The following SULT1B1 variants were observed in gnomAD, a reference collection of about 807,000 sequenced individuals.
SULT1B1 encodes the protein sulfotransferase family 1B member 1.
SULT1B1 carries 28 observed loss-of-function variants against 34.6 expected under a neutral mutation model. The observed-to-expected ratio is 0.81, with a 90% confidence interval of 0.60 to 1.11. The LOEUF is 1.11. Among genes scored for constraint, SULT1B1 ranks in the 50% least tolerant of loss-of-function variants. The pLI is 0.00. For synonymous variants in SULT1B1, 147 were observed against 110.2 expected (o/e 1.33, Z -2.09); for missense variants, 374 against 352.2 (o/e 1.06, Z -0.50).
chr4:69,741,058 T>A (rs1718531359), intron 4 of SULT1B1, among the ~76,000 whole-genome samples: 1 of 152,222 alleles, frequency 6.6e-6, no homozygotes, highest in Admixed American at 6.5e-5. Flanking sequence ...TCAGTTAATT[T>A]TTTGTATATG....
intron 4 of SULT1B1, among the ~76,000 whole-genome samples, chr4:69,737,720 ATAT>A (rs1718373639): frequency 6.6e-6 from 1 of 152,188 alleles, no homozygotes; most frequent in African/African-American, 2.4e-5. Context: ...ATATTCAAAA[ATAT>A]TATAAATAAA....
At position 69,760,543 on chromosome 4, in the gene SULT1B1, G is replaced by A. The variant is rs990566868; in HGVS notation, c.-129C>T. ...AACCATGGGAAACGGTGGTGGTTCTGGCAGGCAATGGGGAGCACAGGAAGG... is the reference window on the plus strand; with the variant it reads ...AACCATGGGAAACGGTGGTGGTTCTAGCAGGCAATGGGGAGCACAGGAAGG... On this transcript the variant is annotated 5_prime_UTR_variant, in exon 1 of 8. Coordinates refer to ENST00000310613, the MANE Select transcript of SULT1B1 (RefSeq NM_014465.4). 5 of 152,052 alleles carry A rather than the reference G, an allele frequency of 3.3e-5. No homozygotes were observed. The highest frequency in any genetic ancestry group is 3.3e-4 in the Admixed American group (5 of 15,262). The allele number at this position is 152,052 out of a possible 1,614,324, so 9.4% of individuals were successfully genotyped here. A position where few individuals can be genotyped will look rare whatever the true frequency, so the allele number is the denominator to read the frequency against.
chr4:69,750,164 A>G (rs190935467), intron 3 of SULT1B1, among the ~76,000 whole-genome samples: 1 of 152,152 alleles, frequency 6.6e-6, no homozygotes, highest in Non-Finnish European at 1.5e-5. Context: ...ATACCTGTGC[A>G]TTGCTATAAA....
At chr4:69,743,449 A>G (rs1366340497) in intron 4 of SULT1B1, among the ~76,000 whole-genome samples, 1 of 152,122 alleles carries the variant, frequency 6.6e-6, no homozygotes, top group African/African-American at 2.4e-5. Flanking sequence ...GTGGGCCCAG[A>G]AAAAGCACCA....
intron 4 of SULT1B1, among the ~76,000 whole-genome samples, chr4:69,745,843 G>T (rs1718727702): frequency 6.6e-6 from 1 of 152,116 alleles, no homozygotes; most frequent in Non-Finnish European, 1.5e-5. Context: ...GTGGTAGTTG[G>T]TATGTCTTTT....
In SULT1B1 at chr4:69,725,325, C is replaced by T. The variant is rs1717793241; in HGVS notation, c.*1763G>A. Reference sequence around the variant, plus strand: ...GCAAATCAAAACCACAATGAGATACCATCTCACACCAGTTAGAATGGCAAT... The same window carrying T: ...GCAAATCAAAACCACAATGAGATACTATCTCACACCAGTTAGAATGGCAAT... On this transcript the variant is annotated 3_prime_UTR_variant, in exon 8 of 8. Transcript: ENST00000310613. The T allele has an allele frequency of 6.6e-6, 1 of 152,132 alleles. No individual in the cohort carries two copies. 9.4% of individuals were successfully genotyped at this position (152,132 alleles called of 1,614,324 possible). A position where few individuals can be genotyped will look rare whatever the true frequency, so the allele number is the denominator to read the frequency against.
In SULT1B1 at chr4:69,751,710, C is replaced by A. The variant is rs1014990030; in HGVS notation, c.278-1892G>T. On this transcript the variant is annotated intron_variant, in intron 3 of 7. Transcript: ENST00000310613. Reference sequence around the variant, plus strand: ...CTCGTGATCCACCCGCCTCGACCTCCCAAAGTGCTGGGATTACAGGCGTGA... The same window carrying A: ...CTCGTGATCCACCCGCCTCGACCTCACAAAGTGCTGGGATTACAGGCGTGA... Among the ~76,000 whole-genome samples, 29 of 152,318 alleles carry A rather than the reference C, an allele frequency of 1.9e-4. 1 individual carries two copies. Among genetic ancestry groups the A allele is most frequent in the African/African-American group, 6.5e-4 (27 of 41,580 alleles).
intron 6 of SULT1B1, among the ~76,000 whole-genome samples, chr4:69,731,894 A>G (rs1718094395): frequency 6.6e-6 from 1 of 152,212 alleles, no homozygotes; most frequent in African/African-American, 2.4e-5. Flanking sequence ...TTGATTTGGA[A>G]TTTGAATAAC....
chr4:69,755,390 A>G (rs971754253), intron 1 of SULT1B1, 129 bp from the exon 2 acceptor site: 2 of 639,814 alleles, frequency 3.1e-6, no homozygotes, highest in Non-Finnish European at 5.2e-6. Context: ...TACAAAGGGC[A>G]TATTTTGTGG....
chr4:69,759,817 CTTCCTATTTAAGAT>C (rs1719327040), intron 1 of SULT1B1, among the ~76,000 whole-genome samples: 1 of 152,142 alleles, frequency 6.6e-6, no homozygotes, highest in South Asian at 2.1e-4. Context: ...GATCTCAAGA[CTTCCTATTTAAGAT>C]GAGCCATAGG....
At chr4:69,736,138 C>T (rs1415144362) in intron 4 of SULT1B1, among the ~76,000 whole-genome samples, 5 of 152,158 alleles carry the variant, frequency 3.3e-5, no homozygotes, top group African/African-American at 1.2e-4. Flanking sequence ...AGCTGACAGC[C>T]TTCCATGAAG....
At position 69,730,617 on chromosome 4, in the gene SULT1B1, A is replaced by G; in HGVS notation, c.662T>C (p.Leu221Ser). ...FLEKNLNDEI[L>S]DRIIHHTSFE... ...TGAGGTGTGATGGATGATCCTATCCAAGATCTCATCATTCAGGTTCTTCTC... is the reference window on the plus strand; with the variant it reads ...TGAGGTGTGATGGATGATCCTATCCGAGATCTCATCATTCAGGTTCTTCTC... The change falls in exon 7 of 8, where the codon TTG becomes TCG. Residue 221 changes from leucine (L) to serine (S), a missense_variant. Leu to Ser is a moderately radical substitution (Grantham distance 145). Coordinates refer to ENST00000310613, the MANE Select transcript of SULT1B1 (RefSeq NM_014465.4). 1 of 1,613,346 alleles carries G rather than the reference A, an allele frequency of 6.2e-7. No individual in the cohort carries two copies. The highest frequency in any genetic ancestry group is 8.5e-7 in the Non-Finnish European group (1 of 1,179,716).
intron 1 of SULT1B1, 109 bp downstream of exon 1, chr4:69,760,350 G>T (rs1719343809): frequency 3.6e-6 from 1 of 278,624 alleles, no homozygotes; most frequent in Non-Finnish European, 5.4e-6. Flanking sequence ...TTATGCAAAA[G>T]ACTTTCTAAT....
intron 4 of SULT1B1, among the ~76,000 whole-genome samples, chr4:69,743,685 G>T (rs1327512330): frequency 6.6e-6 from 1 of 152,198 alleles, no homozygotes; most frequent in East Asian, 1.9e-4. Context: ...TGTTCTGGGT[G>T]CCCAAAGTCC....
In SULT1B1 at chr4:69,722,721, G is replaced by T. The variant is rs913850709; in HGVS notation, c.*4367C>A. 5 of 152,100 alleles carry T rather than the reference G, an allele frequency of 3.3e-5. No homozygotes were observed. The highest frequency in any genetic ancestry group is 3.3e-4 in the Admixed American group (5 of 15,232). The allele number at this position is 152,100 out of a possible 1,614,324, so 9.4% of individuals were successfully genotyped here. A position where few individuals can be genotyped will look rare whatever the true frequency, so the allele number is the denominator to read the frequency against. On this transcript the variant is annotated 3_prime_UTR_variant, in exon 8 of 8. Coordinates refer to ENST00000310613, the MANE Select transcript of SULT1B1 (RefSeq NM_014465.4). ...GGGGTTGGAAAAGAGAAATGTTACA[G>T]CTTAAGGAGCTATTTTAGCTATTCC... is the stretch of plus-strand genomic sequence containing the variant.
In SULT1B1 at chr4:69,722,098, A is replaced by T. The variant is rs1197378339; in HGVS notation, c.*4990T>A. On this transcript the variant is annotated 3_prime_UTR_variant, in exon 8 of 8. Transcript: ENST00000310613. ...ATTAGGATAGTGACATTTGCATCAT[A>T]GAATAAATATATAAGAGGCAACAAC... is the stretch of plus-strand genomic sequence containing the variant. 2 of 152,156 alleles carry T rather than the reference A, an allele frequency of 1.3e-5. No individual in the cohort carries two copies. The highest frequency in any genetic ancestry group is 4.8e-5 in the African/African-American group (2 of 41,468). 9.4% of individuals were successfully genotyped at this position (152,156 alleles called of 1,614,324 possible).
intron 4 of SULT1B1, among the ~76,000 whole-genome samples, chr4:69,744,132 C>T (rs1372883923): frequency 6.6e-6 from 1 of 152,152 alleles, no homozygotes; most frequent in Non-Finnish European, 1.5e-5. Context: ...CCCCTCTATG[C>T]CCTTCCCTCC....
chr4:69,724,976 C>A lies in SULT1B1; in HGVS notation c.*2112G>T, dbSNP rs2110014141. ...ATAGGCATGGGCAAGGACTTCATGT[C>A]TAAAACACCAAAAGCAATGGCAACA... is the stretch of plus-strand genomic sequence containing the variant. On this transcript the variant is annotated 3_prime_UTR_variant, in exon 8 of 8. Transcript: ENST00000310613. 1 of 152,224 alleles carries A rather than the reference C, an allele frequency of 6.6e-6. No individual in the cohort carries two copies. Among genetic ancestry groups the A allele is most frequent in the Non-Finnish European group, 1.5e-5 (1 of 68,022 alleles). The allele number at this position is 152,224 out of a possible 1,614,324, so 9.4% of individuals were successfully genotyped here. A position where few individuals can be genotyped will look rare whatever the true frequency, so the allele number is the denominator to read the frequency against.
Position 69,755,004 on chromosome 4 carries a change from G to T in SULT1B1, c.148+66C>A, listed in dbSNP as rs1719133494. The T allele has an allele frequency of 5.7e-6, 8 of 1,393,864 alleles. No individual in the cohort carries two copies. The Admixed American group carries it at 1.5e-4, about 26-fold the overall frequency. The allele number at this position is 1,393,864 out of a possible 1,614,324, so 86.3% of individuals were successfully genotyped here. ...TATTTAGAATGGTAATGATTTTATG[G>T]ACAAGTTGATTTCCAGGAAACAAAA... On this transcript the variant is annotated intron_variant, in intron 2 of 7. Transcript: ENST00000310613.
Sources: gnomAD v4.1 joint callset for allele counts (sites outside exome capture counted in the v4.1 genomes callset) on GRCh38, gnomAD v4.1.1 for gene constraint, MANE v1.5 for transcripts, NCBI Gene and HGNC (gene_info 2026-07-23, HGNC 2026-07-21) for gene names.